Variants in PRPF18 observed in about 807,000 individuals in gnomAD.
The protein encoded by PRPF18 is pre-mRNA-splicing factor 18.
Under a neutral mutation model 46.5 loss-of-function variants are expected in PRPF18, and 38 were observed. The ratio of observed to expected loss-of-function variants is 0.82; its 90% CI spans 0.63 to 1.07. The LOEUF is 1.07. PRPF18 is among the 50% of genes least tolerant of loss of function. The pLI is 0.00. For missense variants in PRPF18, 263 were observed against 410.0 expected (o/e 0.64, Z 3.10); for synonymous variants, 152 against 146.7 (o/e 1.04, Z -0.26).
the PRPF18 span, chr10:13,646,473 T>A: frequency 1.3e-5 from 2 of 152,326 alleles, no homozygotes; most frequent in African/African-American, 4.8e-5. Context: ...GTAAACTGAA[T>A]ATGCCACGAG....
chr10:13,606,193 A>C (rs904734853), intron 4 of PRPF18, among the ~76,000 whole-genome samples: 2 of 152,126 alleles, frequency 1.3e-5, no homozygotes, highest in Non-Finnish European at 2.9e-5. Flanking sequence ...TTCTCAGCCT[A>C]TCCTCATATT....
the PRPF18 span, chr10:13,654,319 T>C: frequency 2.4e-6 from 2 of 845,630 alleles, no homozygotes; most frequent in Non-Finnish European, 4.1e-6. Flanking sequence ...TGAACCCTCA[T>C]CATCCATTTA....
chr10:13,621,783 TATA>T (rs2080423662), intron 9 of PRPF18, among the ~76,000 whole-genome samples: 1 of 152,236 alleles, frequency 6.6e-6, no homozygotes, highest in African/African-American at 2.4e-5. Flanking sequence ...GTAAATATCC[TATA>T]ATATTATTCT....
intron 9 of PRPF18, 24 bp downstream of exon 9, chr10:13,616,577 A>G: frequency 6.2e-7 from 1 of 1,612,016 alleles, no homozygotes; most frequent in South Asian, 1.1e-5. Flanking sequence ...AGAGCCGGGA[A>G]TTGCCCTGGA....
rs1362296029 is a variant in PRPF18 at position 13,613,786 on chromosome 10, T to G, written c.625T>G (p.Tyr209Asp). The G allele has an allele frequency of 2.5e-6, 4 of 1,613,896 alleles. No homozygotes were observed. Among genetic ancestry groups the G allele is most frequent in the Admixed American group, 1.7e-5 (1 of 59,958 alleles). Residue 209 changes from tyrosine (Y) to aspartate (D), a missense_variant, in exon 7 of 10, where the codon TAT (tyrosine) becomes GAT (aspartate). Tyr to Asp is a radical substitution (Grantham distance 160). Around this residue, in one of 4 missense-constraint regions of PRPF18, gnomAD observed 155 missense variants for 245.1 expected, o/e 0.63. Coordinates refer to ENST00000378572, the MANE Select transcript of PRPF18 (RefSeq NM_003675.4). Reference protein sequence around the residue: ...WAKELNAREDYVKRSVQGKLN... With the variant: ...WAKELNAREDDVKRSVQGKLN... ...TAAAGAATTGAATGCCAGAGAAGATTATGTGAAACGCAGTGTGCAGGGTAA... is the reference window on the plus strand; with the variant it reads ...TAAAGAATTGAATGCCAGAGAAGATGATGTGAAACGCAGTGTGCAGGGTAA...
At chr10:13,655,575 A>G in the PRPF18 span, 4 of 152,040 alleles carry the variant, frequency 2.6e-5, no homozygotes, top group Non-Finnish European at 4.4e-5. Flanking sequence ...GTGGGGATAG[A>G]ATGCCAGAGC....
chr10:13,615,881 C>T (rs1469694638), intron 8 of PRPF18, among the ~76,000 whole-genome samples: 6 of 152,170 alleles, frequency 3.9e-5, no homozygotes, highest in African/African-American at 1.4e-4. Context: ...GTTTACACAT[C>T]TGTTAAAGAC....
the PRPF18 span, among the ~76,000 whole-genome samples, chr10:13,648,975 C>T: frequency 1.3e-5 from 2 of 151,636 alleles, no homozygotes; most frequent in African/African-American, 4.9e-5. Flanking sequence ...TTTCAGAGGC[C>T]TGAAATGTAA....
At chr10:13,628,705 T>A (rs2080547493) in intron 9 of PRPF18, among the ~76,000 whole-genome samples, 1 of 152,134 alleles carries the variant, frequency 6.6e-6, no homozygotes, top group African/African-American at 2.4e-5. Context: ...TTTGTGTTGT[T>A]TGTTTGTTTT....
the PRPF18 span, among the ~76,000 whole-genome samples, chr10:13,637,569 T>G: frequency 2.0e-5 from 3 of 152,352 alleles, no homozygotes; most frequent in African/African-American, 7.2e-5. Context: ...ACTTTCTGTA[T>G]TCTGGCTAGA....
At chr10:13,654,402 G>C in the PRPF18 span, 6 of 1,535,812 alleles carry the variant, frequency 3.9e-6, no homozygotes, top group South Asian at 4.5e-5. Context: ...GAAGAACATA[G>C]AAGGAGAACT....
chr10:13,614,095 C>G lies in PRPF18; in HGVS notation c.792+9C>G. 1.3e-6 allele frequency: 2 copies of G among 1,544,032 alleles called. No individual in the cohort carries two copies. The highest frequency in any genetic ancestry group is 2.4e-5 in the South Asian group (2 of 82,910). On this transcript the variant is annotated intron_variant, in intron 8 of 9. Transcript: ENST00000378572. Reference sequence around the variant, plus strand: ...AGAGAGAATACGTGAAGGTACATTCCCATGCTGTTCTTTGAAATTGTTAAG... The same window carrying G: ...AGAGAGAATACGTGAAGGTACATTCGCATGCTGTTCTTTGAAATTGTTAAG...
chr10:13,652,702 C>T, the PRPF18 span: 3 of 152,276 alleles, frequency 2.0e-5, no homozygotes, highest in Admixed American at 1.3e-4. Flanking sequence ...TCCAGTTTCT[C>T]TTATTTTAAA....
At chr10:13,633,916 C>A (rs1318787602), downstream of PRPF18, among the ~76,000 whole-genome samples, 1 of 152,228 alleles carries the variant, frequency 6.6e-6, no homozygotes, top group African/African-American at 2.4e-5. Context: ...TATGGGAACA[C>A]TGTTATGGCA....
chr10:13,622,609 G>A (rs908945158), intron 9 of PRPF18, among the ~76,000 whole-genome samples: 4 of 152,152 alleles, frequency 2.6e-5, no homozygotes, highest in African/African-American at 4.8e-5. Flanking sequence ...ACTTGTTCTC[G>A]TATAGAAAAC....
In PRPF18 at chr10:13,605,710, G is replaced by A. The variant is rs1477540700; in HGVS notation, c.329G>A (p.Arg110Lys). ...ETDYDAFQRL[R>K]KIEILTPEVN... Reference sequence around the variant, plus strand: ...GATTATGATGCTTTTCAACGTTTAAGGAAAATAGAGATCCTCACACCAGAA... The same window carrying A: ...GATTATGATGCTTTTCAACGTTTAAAGAAAATAGAGATCCTCACACCAGAA... Residue 110 changes from arginine to lysine, a missense_variant, in exon 4 of 10, where the codon AGG becomes AAG. Arg to Lys is a conservative substitution (Grantham distance 26, BLOSUM62 2). Coordinates refer to ENST00000378572, the MANE Select transcript of PRPF18 (RefSeq NM_003675.4). 6.2e-7 allele frequency: 1 copy of A among 1,613,222 alleles called. No individual in the cohort carries two copies. The highest frequency in any genetic ancestry group is 1.1e-5 in the South Asian group (1 of 90,970).
intron 4 of PRPF18, among the ~76,000 whole-genome samples, chr10:13,607,866 T>C (rs2080212468): frequency 6.6e-6 from 1 of 152,266 alleles, no homozygotes; most frequent in African/African-American, 2.4e-5. Flanking sequence ...TCTTGTTTTA[T>C]GGCTTAGCAT....
chr10:13,639,256 A>G, the PRPF18 span: 1 of 152,246 alleles, frequency 6.6e-6, no homozygotes, highest in Non-Finnish European at 1.5e-5. Flanking sequence ...CTGCCCTGTC[A>G]TCAAGATTCT....
intron 1 of PRPF18, among the ~76,000 whole-genome samples, chr10:13,596,970 T>C (rs79091717): frequency 0.01 from 1,596 of 152,306 alleles, 20 homozygotes; most frequent in African/African-American, 0.034. Flanking sequence ...AACTGATTGA[T>C]ATAATAAGGT....
Sources: allele counts gnomAD v4.1 joint callset (sites outside exome capture counted in the v4.1 genomes callset), GRCh38; gene constraint gnomAD v4.1.1; regional missense constraint gnomAD v4.1.1; transcripts MANE v1.5; gene names NCBI Gene and HGNC (gene_info 2026-07-23, HGNC 2026-07-21).